The following JAK2 variants were observed in gnomAD, a reference collection of about 807,000 sequenced individuals.
JAK2 encodes the protein Janus kinase 2.
A neutral mutation model predicts 139.3 loss-of-function variants in JAK2; 86 were observed. The ratio of observed to expected loss-of-function variants is 0.62; its 90% CI spans 0.52 to 0.74. JAK2 has a LOEUF of 0.74. JAK2 is among the 30% of genes least tolerant of loss of function. The pLI, the probability that JAK2 is intolerant of heterozygous loss-of-function variation, is 0.00. For missense variants in JAK2, 1,421 were observed against 1,360.3 expected, an observed-to-expected ratio of 1.04 and a Z score of -0.70; for synonymous variants, 490 against 437.7, an observed-to-expected ratio of 1.12 and a Z score of -1.49.
chr9:5,090,327 TAA>T, intron 20 of JAK2, 117 bp from the exon 21 acceptor site: 1 of 698,314 alleles, frequency 1.4e-6, no homozygotes, highest in Admixed American at 3.2e-5. Context: ...TAATGTATAA[TAA>T]AGTTTTGTCA....
intron 10 of JAK2, among the ~76,000 whole-genome samples, chr9:5,068,522 A>G (rs955258284): frequency 2.0e-5 from 3 of 152,218 alleles, no homozygotes; most frequent in African/African-American, 7.2e-5. Context: ...TTCATTGCTC[A>G]GAAGAAGTGG....
intron 8 of JAK2, among the ~76,000 whole-genome samples, chr9:5,058,327 C>T (rs1817913052): frequency 6.6e-6 from 1 of 152,122 alleles, no homozygotes; most frequent in Non-Finnish European, 1.5e-5. Context: ...AAAATCATGG[C>T]AGAAGGTGAA....
intron 4 of JAK2, among the ~76,000 whole-genome samples, chr9:5,036,090 G>C (rs1823578122): frequency 6.6e-6 from 1 of 152,142 alleles, no homozygotes; most frequent in African/African-American, 2.4e-5. Context: ...ACCAATAACA[G>C]ACAAACAGAG....
intron 5 of JAK2, among the ~76,000 whole-genome samples, 174 bp downstream of exon 5, chr9:5,044,694 G>A (rs927479487): frequency 1.2e-4 from 18 of 152,112 alleles, no homozygotes; most frequent in African/African-American, 4.3e-4. Flanking sequence ...TAATCCCATG[G>A]TTTATGGATA....
At chr9:5,108,713 A>G (rs533228425) in intron 22 of JAK2, 2 of 151,942 alleles carry the variant, frequency 1.3e-5, no homozygotes, top group Admixed American at 6.6e-5. Context: ...TCCTCACACT[A>G]TCCCTATGAG....
At position 5,127,206 on chromosome 9, in the gene JAK2, G is replaced by A. The variant is rs1222892000; in HGVS notation, c.*415G>A. 4.3e-6 allele frequency: 1 copy of A among 234,254 alleles called. No homozygotes were observed. The highest frequency in any genetic ancestry group is 5.6e-5 in the Admixed American group (1 of 17,808). 14.5% of individuals were successfully genotyped at this position (234,254 alleles called of 1,614,324 possible). A position where few individuals can be genotyped will look rare whatever the true frequency, so the allele number is the denominator to read the frequency against. ...ATAATACCTTGGCATCTTGTGTGAT[G>A]TTTTACACACATGAGGGCTGGTGTT... On this transcript the variant is annotated 3_prime_UTR_variant, in exon 25 of 25. Coordinates refer to ENST00000381652, the MANE Select transcript of JAK2 (RefSeq NM_004972.4).
At chr9:5,079,969 TTG>T (rs573113527) in intron 16 of JAK2, among the ~76,000 whole-genome samples, 1 of 152,182 alleles carries the variant, frequency 6.6e-6, no homozygotes, top group Non-Finnish European at 1.5e-5. Context: ...TGCTAACAAA[TTG>T]TGTGGCTTTG....
chr9:4,990,504 G>A (rs1443608408), intron 2 of JAK2, among the ~76,000 whole-genome samples: 1 of 152,152 alleles, frequency 6.6e-6, no homozygotes, highest in Admixed American at 6.5e-5. Flanking sequence ...ACTAGAATTT[G>A]TTAGCGAAGT....
At chr9:5,086,252 G>T in intron 19 of JAK2, 1 of 537,284 alleles carries the variant, frequency 1.9e-6, no homozygotes, top group Non-Finnish European at 2.4e-6. Context: ...GTAGGATGGT[G>T]GCTCCGCCTC....
intron 2 of JAK2, among the ~76,000 whole-genome samples, chr9:4,987,751 A>G: frequency 6.9e-6 from 1 of 144,392 alleles, no homozygotes. Flanking sequence ...AAAAAAAAAA[A>G]GAAAGAAAAA....
intron 2 of JAK2, among the ~76,000 whole-genome samples, chr9:5,016,620 C>G (rs1017667998): frequency 1.3e-5 from 2 of 152,104 alleles, no homozygotes; most frequent in African/African-American, 4.8e-5. Flanking sequence ...CACAGCTTAA[C>G]AAATTTTCAT....
At chr9:5,072,282 T>A (rs1366681904) in intron 12 of JAK2, among the ~76,000 whole-genome samples, 1 of 152,144 alleles carries the variant, frequency 6.6e-6, no homozygotes, top group Admixed American at 6.5e-5. Context: ...AAAATACACT[T>A]AATTCATTAA....
intron 5 of JAK2, among the ~76,000 whole-genome samples, chr9:5,048,964 T>C (rs532205297): frequency 1.3e-5 from 2 of 152,200 alleles, no homozygotes; most frequent in Non-Finnish European, 2.9e-5. Flanking sequence ...CTGCTTTCTT[T>C]TTCTTTCTCC....
intron 4 of JAK2, among the ~76,000 whole-genome samples, chr9:5,031,747 G>T (rs1276191625): frequency 6.6e-6 from 1 of 152,178 alleles, no homozygotes; most frequent in Non-Finnish European, 1.5e-5. Context: ...ATGTCTGAAG[G>T]TTTCCTCTTA....
intron 22 of JAK2, chr9:5,114,742 T>G (rs75448287): frequency 2.8e-6 from 1 of 358,534 alleles, no homozygotes; most frequent in African/African-American, 2.1e-5. Context: ...ATCTGCTCTG[T>G]GGTCCATGAG....
intron 2 of JAK2, among the ~76,000 whole-genome samples, chr9:5,004,918 C>CTT (rs557320182): frequency 0.083 from 10,833 of 131,290 alleles, 1,385 homozygotes; most frequent in African/African-American, 0.28. Flanking sequence ...TACATATTGT[C>CTT]TTTTTTTTTT....
chr9:5,104,259 A>G (rs1821772631), intron 22 of JAK2, among the ~76,000 whole-genome samples: 2 of 152,224 alleles, frequency 1.3e-5, no homozygotes, highest in Non-Finnish European at 2.9e-5. Context: ...AGAAATACAA[A>G]CTACCATCAG....
chr9:5,069,345 A>G lies in JAK2; in HGVS notation c.1513+137A>G, dbSNP rs983894576. On this transcript the variant is annotated intron_variant, in intron 11 of 24. Transcript: ENST00000381652. ...AGTTAATTTTATCTTATTCTATTGTACAAGCATCATCAAATAAGATTGTTT... is the reference window on the plus strand; with the variant it reads ...AGTTAATTTTATCTTATTCTATTGTGCAAGCATCATCAAATAAGATTGTTT... The G allele has an allele frequency of 2.6e-5, 15 of 568,784 alleles. No individual in the cohort carries two copies. In the African/African-American group the frequency reaches 2.9e-4, roughly 11 times the overall value. 35.2% of individuals were successfully genotyped at this position (568,784 alleles called of 1,614,324 possible).
intron 4 of JAK2, among the ~76,000 whole-genome samples, chr9:5,038,718 C>T (rs1182141869): frequency 4.6e-5 from 7 of 151,586 alleles, no homozygotes; most frequent in African/African-American, 1.2e-4. Flanking sequence ...ATCAGGTTAG[C>T]GCTCTAAAGG....
Sources: allele counts gnomAD v4.1 joint callset (sites outside exome capture counted in the v4.1 genomes callset), GRCh38; gene constraint gnomAD v4.1.1; transcripts MANE v1.5; gene names NCBI Gene and HGNC (gene_info 2026-07-23, HGNC 2026-07-21).